Variants in DKK3 observed in about 807,000 individuals in gnomAD.
DKK3 encodes dickkopf Wnt signaling pathway inhibitor 3.
DKK3 carries 22 observed loss-of-function variants against 33.2 expected under a neutral mutation model. The ratio of observed to expected loss-of-function variants is 0.66; its 90% CI spans 0.47 to 0.95. The LOEUF (loss-of-function observed/expected upper bound fraction) is 0.95, where lower values mean the gene tolerates loss of function less well. DKK3 is among the 40% of genes least tolerant of loss of function. The pLI is 0.00. For synonymous variants in DKK3, 194 were observed against 188.8 expected (o/e 1.03, Z -0.23); for missense variants, 398 against 458.4 (o/e 0.87, Z 1.20).
chr11:11,999,177 T>C (rs903014), intron 2 of DKK3, among the ~76,000 whole-genome samples: 34,108 of 152,172 alleles, frequency 0.22, 4,278 homozygotes, highest in Admixed American at 0.32. Flanking sequence ...TTGAACATCT[T>C]TCATGAAAAG....
Position 11,998,851 on chromosome 11 carries a change from T to A in DKK3, c.352-72A>T, listed in dbSNP as rs1490663882. The A allele has an allele frequency of 4.8e-6, 7 of 1,445,600 alleles. No homozygotes were observed. In the Admixed American group the frequency reaches 1.0e-4, roughly 21 times the overall value. The allele number at this position is 1,445,600 out of a possible 1,614,324, so 89.5% of individuals were successfully genotyped here. A position where few individuals can be genotyped will look rare whatever the true frequency, so the allele number is the denominator to read the frequency against. Reference sequence around the variant, plus strand: ...ACAAATTCCACAAGTTGTTTTTGTGTTTTGTTTTCCATTTTCTGAAGCAGG... The same window carrying A: ...ACAAATTCCACAAGTTGTTTTTGTGATTTGTTTTCCATTTTCTGAAGCAGG... On this transcript the variant is annotated intron_variant, in intron 2 of 6. Coordinates refer to ENST00000683431, the MANE Select transcript of DKK3 (RefSeq NM_001018057.2).
intron 1 of DKK3, among the ~76,000 whole-genome samples, chr11:12,004,338 G>C (rs980834309): frequency 5.3e-5 from 8 of 152,178 alleles, no homozygotes; most frequent in African/African-American, 1.9e-4. Context: ...GTTCCAGAAG[G>C]CTAGCGGGAA....
chr11:12,003,623 T>C (rs1848475990), intron 1 of DKK3, among the ~76,000 whole-genome samples: 1 of 152,128 alleles, frequency 6.6e-6, no homozygotes. Context: ...CATAGACTAA[T>C]TGAGCCAATC....
chr11:11,987,120 C>T (rs908002937), intron 3 of DKK3, among the ~76,000 whole-genome samples: 2 of 152,188 alleles, frequency 1.3e-5, no homozygotes, highest in African/African-American at 2.4e-5. Flanking sequence ...GGAGGTGGCA[C>T]ACAACAGGTG....
chr11:11,983,572 G>C (rs537591047), intron 3 of DKK3, among the ~76,000 whole-genome samples: 2 of 152,336 alleles, frequency 1.3e-5, no homozygotes, highest in Admixed American at 1.3e-4. Flanking sequence ...GGTAAGACAG[G>C]CTGCAGAGGG....
chr11:12,007,075 G>A (rs1230195806), intron 1 of DKK3, among the ~76,000 whole-genome samples: 1 of 152,188 alleles, frequency 6.6e-6, no homozygotes, highest in East Asian at 1.9e-4. Context: ...CTGTCCAGTG[G>A]ATATTCAAGG....
chr11:11,978,441 TTCC>T (rs1358289820), intron 3 of DKK3, among the ~76,000 whole-genome samples: 2 of 151,928 alleles, frequency 1.3e-5, no homozygotes, highest in African/African-American at 2.4e-5. Flanking sequence ...CTTCTTCCTC[TTCC>T]TCTTCTTCTT....
chr11:11,970,218 G>T (rs561070352), intron 3 of DKK3, among the ~76,000 whole-genome samples: 1 of 152,342 alleles, frequency 6.6e-6, no homozygotes, highest in Admixed American at 6.5e-5. Flanking sequence ...AGGGACTGGG[G>T]ACACAAAGGT....
At chr11:11,992,532 A>G (rs1848208881) in intron 3 of DKK3, among the ~76,000 whole-genome samples, 1 of 152,130 alleles carries the variant, frequency 6.6e-6, no homozygotes, top group Non-Finnish European at 1.5e-5. Flanking sequence ...GACATTGAGC[A>G]CTCAAATGTT....
intron 3 of DKK3, among the ~76,000 whole-genome samples, chr11:11,975,223 C>T (rs916234220): frequency 3.3e-5 from 5 of 152,214 alleles, no homozygotes; most frequent in Non-Finnish European, 7.3e-5. Flanking sequence ...TCCTCTGTTT[C>T]GGATCTTCCA....
At position 11,964,252 on chromosome 11, in the gene DKK3, T is replaced by C. The variant is rs1049718503; in HGVS notation, c.*212A>G. ...GCAAACTGCTCCTGCAGTTTAACCC[T>C]GCCTGACTCTCCCAAGCACCAGACT... is the stretch of plus-strand genomic sequence containing the variant. On this transcript the variant is annotated 3_prime_UTR_variant, in exon 7 of 7. Transcript: ENST00000683431. 4.8e-5 allele frequency: 31 copies of C among 641,066 alleles called. No individual in the cohort carries two copies. The highest frequency in any genetic ancestry group is 4.3e-4 in the Middle Eastern group (1 of 2,300). The allele number at this position is 641,066 out of a possible 1,614,324, so 39.7% of individuals were successfully genotyped here.
At chr11:11,997,160 G>A (rs866967253) in intron 3 of DKK3, among the ~76,000 whole-genome samples, 3 of 152,238 alleles carry the variant, frequency 2.0e-5, no homozygotes, top group Non-Finnish European at 4.4e-5. Flanking sequence ...AGGTGCAGAT[G>A]TGCTCACAGG....
At chr11:12,002,502 A>G (rs1416853867) in intron 1 of DKK3, 65 bp from the exon 2 acceptor site, 18 of 1,075,142 alleles carry the variant, frequency 1.7e-5, no homozygotes, top group African/African-American at 6.6e-5. Context: ...AGTCTATTAG[A>G]AAAAAAAAAT....
chr11:12,009,221 C>T (rs1204874873), upstream of DKK3: 4 of 985,060 alleles, frequency 4.1e-6, no homozygotes, highest in Non-Finnish European at 4.8e-6. Context: ...TGCTCGCTCC[C>T]GCCGGGAGGC....
Position 11,965,934 on chromosome 11 carries a change from G to A in DKK3, c.705C>T (p.Pro235=), listed in dbSNP as rs762641874. 2.0e-5 allele frequency: 33 copies of A among 1,613,452 alleles called. No homozygotes were observed. The highest frequency in any genetic ancestry group is 4.5e-5 in the East Asian group (2 of 44,852). ...GLLFPVCTPL[P]VEGELCHDPA... ...GGTCATGGCAAAGCTCGCCCTCCAC[G>A]GGCAGGGGTGTGCACACAGGGAACA... Residue 235 remains proline, a synonymous_variant, in exon 6 of 7, where the codon CCC becomes CCT. Transcript: ENST00000683431.
chr11:11,998,359 G>A, intron 3 of DKK3: 1 of 405,388 alleles, frequency 2.5e-6, no homozygotes, highest in Non-Finnish European at 4.5e-6. Context: ...AGAGGCTCTG[G>A]GGATTTCACC....
In DKK3 at chr11:11,964,508, G is replaced by C. The variant is rs778335152; in HGVS notation, c.1009C>G (p.Pro337Ala). 4 of 1,613,668 alleles carry C rather than the reference G, an allele frequency of 2.5e-6. No homozygotes were observed. In the South Asian group the frequency reaches 3.3e-5, roughly 13 times the overall value. Reference sequence around the variant, plus strand: ...AGCAGTGCAGCGGCGGCAGCCGCAGGCTCCCTCAGCGCCATCTCTTCAGTC... The same window carrying C: ...AGCAGTGCAGCGGCGGCAGCCGCAGCCTCCCTCAGCGCCATCTCTTCAGTC... ...SLTEEMALRE[P>A]AAAAAALLGG... Residue 337 changes from proline to alanine, a missense_variant, in exon 7 of 7, where the codon CCT (proline) becomes GCT (alanine). Transcript: ENST00000683431.
At chr11:11,993,726 T>C (rs1848233442) in intron 3 of DKK3, among the ~76,000 whole-genome samples, 1 of 152,196 alleles carries the variant, frequency 6.6e-6, no homozygotes, top group Admixed American at 6.5e-5. Flanking sequence ...ACGCAAAATA[T>C]AAATCTCGAA....
chr11:11,969,231 C>A (rs929683357), intron 3 of DKK3, among the ~76,000 whole-genome samples: 1 of 152,212 alleles, frequency 6.6e-6, no homozygotes, highest in Non-Finnish European at 1.5e-5. Flanking sequence ...CGGTCACTGG[C>A]AGAAGCAGGG....
Sources: gnomAD v4.1 joint callset for allele counts (sites outside exome capture counted in the v4.1 genomes callset) on GRCh38, gnomAD v4.1.1 for gene constraint, MANE v1.5 for transcripts, NCBI Gene and HGNC (gene_info 2026-07-23, HGNC 2026-07-21) for gene names.